Variants in ITCH observed in about 807,000 individuals in gnomAD.
The protein encoded by ITCH is E3 ubiquitin-protein ligase Itchy homolog.
Under a neutral mutation model 126.8 loss-of-function variants are expected in ITCH, and 28 were observed. That is an observed-to-expected ratio of 0.22 (90% CI 0.16 to 0.30). The LOEUF (loss-of-function observed/expected upper bound fraction) is 0.30, where lower values mean the gene tolerates loss of function less well. ITCH is among the 10% of genes least tolerant of loss of function. The pLI, the probability that ITCH is intolerant of heterozygous loss-of-function variation, is 1.00. For synonymous variants in ITCH, 342 were observed against 340.0 expected (o/e 1.01, Z -0.06); for missense variants, 631 against 1,032.4 (o/e 0.61, Z 5.33).
intron 6 of ITCH, among the ~76,000 whole-genome samples, chr20:34,420,461 ATTTG>A (rs1262381929): frequency 6.6e-6 from 1 of 152,172 alleles, no homozygotes; most frequent in Non-Finnish European, 1.5e-5. Context: ...TTGTGCCACA[ATTTG>A]TTTATCCATT....
chr20:34,412,789 T>C lies in ITCH; in HGVS notation c.337+150T>C, dbSNP rs900519678. On this transcript the variant is annotated intron_variant, in intron 5 of 24. Coordinates refer to ENST00000374864, the MANE Select transcript of ITCH (RefSeq NM_031483.7). The stretch of plus-strand genomic sequence containing the variant: ...GAACAGATAGAAGAATTTTACACTA[T>C]TGAAAGTATTCTGAGTAACCTTGGT... 5 of 644,756 alleles carry C rather than the reference T, an allele frequency of 7.8e-6. No homozygotes were observed. In the East Asian group the frequency reaches 1.1e-4, roughly 14 times the overall value. 39.9% of individuals were successfully genotyped at this position (644,756 alleles called of 1,614,324 possible). A position where few individuals can be genotyped will look rare whatever the true frequency, so the allele number is the denominator to read the frequency against.
At chr20:34,386,425 C>G (rs2146043544) in intron 2 of ITCH, among the ~76,000 whole-genome samples, 1 of 152,276 alleles carries the variant, frequency 6.6e-6, no homozygotes, top group African/African-American at 2.4e-5. Flanking sequence ...GGGAGACATA[C>G]TACTCGGTAT....
In ITCH at chr20:34,510,437, CTGTTAAT is replaced by C. The variant is rs1285548882; in HGVS notation, c.*2645_*2651del. 1 of 123,640 alleles carries C rather than the reference CTGTTAAT, an allele frequency of 8.1e-6. No homozygotes were observed. The highest frequency in any genetic ancestry group is 1.6e-5 in the Non-Finnish European group (1 of 61,792). The allele number at this position is 123,640 out of a possible 1,614,324, so 7.7% of individuals were successfully genotyped here. A position where few individuals can be genotyped will look rare whatever the true frequency, so the allele number is the denominator to read the frequency against. On this transcript the variant is annotated 3_prime_UTR_variant, in exon 25 of 25. Transcript: ENST00000374864. ...TAAGCATTGTAAATGCTAATAAATC[CTGTTAAT>C]TTTTTTTTTTTTTTTTTTTTTTTTT...
In ITCH at chr20:34,479,809, T is replaced by G. The variant is rs557929099; in HGVS notation, c.1818+20T>G. On this transcript the variant is annotated intron_variant, in intron 18 of 24. Coordinates refer to ENST00000374864, the MANE Select transcript of ITCH (RefSeq NM_031483.7). ...GCCATGGTAAGTGCAGGTCAAGAAT[T>G]ATGTTTACTTTGCTTATTCAGCAAT... 2 of 1,608,410 alleles carry G rather than the reference T, an allele frequency of 1.2e-6. No homozygotes were observed. The highest frequency in any genetic ancestry group is 2.7e-5 in the African/African-American group (2 of 74,868).
At chr20:34,387,169 C>T (rs1363063224) in intron 2 of ITCH, among the ~76,000 whole-genome samples, 3 of 151,712 alleles carry the variant, frequency 2.0e-5, no homozygotes, top group South Asian at 2.1e-4. Flanking sequence ...AGCCAGATGT[C>T]ATGCATGCCT....
intron 1 of ITCH, among the ~76,000 whole-genome samples, chr20:34,364,724 C>CAAAAAAAAAAAAAAAAAAAAAAAAAA (rs1171765663): frequency 2.2e-5 from 1 of 45,572 alleles, no homozygotes; most frequent in East Asian, 6.5e-4. Context: ...ACTAAAAATA[C>CAAAAAAAAAAAAAAAAAAAAAAAAAA]AAAAAAAAAA....
intron 23 of ITCH, among the ~76,000 whole-genome samples, chr20:34,500,289 A>C (rs1201573752): frequency 1.3e-5 from 2 of 152,150 alleles, no homozygotes; most frequent in East Asian, 1.9e-4. Context: ...GAAGTCCCCA[A>C]CTAGTATTGG....
chr20:34,493,537 T>C (rs927811911), intron 23 of ITCH, among the ~76,000 whole-genome samples: 1 of 152,088 alleles, frequency 6.6e-6, no homozygotes, highest in Non-Finnish European at 1.5e-5. Context: ...GGGTAGATAC[T>C]AGGTAAAGTT....
intron 7 of ITCH, among the ~76,000 whole-genome samples, chr20:34,432,048 CAAAAAA>C (rs10668679): frequency 6.5e-5 from 6 of 92,254 alleles, no homozygotes; most frequent in African/African-American, 2.5e-4. Context: ...GATTCTATGT[CAAAAAA>C]AAAAAAAAAA....
intron 23 of ITCH, among the ~76,000 whole-genome samples, chr20:34,502,289 A>G (rs1304305964): frequency 6.6e-6 from 1 of 152,140 alleles, no homozygotes; most frequent in African/African-American, 2.4e-5. Flanking sequence ...AGGCTGAGGC[A>G]GGAGAATTGC....
intron 3 of ITCH, chr20:34,401,780 T>G (rs1350805575): frequency 1.2e-5 from 3 of 246,698 alleles, no homozygotes; most frequent in Non-Finnish European, 6.4e-6. Flanking sequence ...AAAAAACCAC[T>G]AAGATGTCCC....
At chr20:34,485,586 G>A (rs1213556439) in intron 20 of ITCH, among the ~76,000 whole-genome samples, 3 of 152,064 alleles carry the variant, frequency 2.0e-5, no homozygotes, top group Admixed American at 1.3e-4. Context: ...CTTTTTATTT[G>A]TGATTGTTGG....
chr20:34,396,490 A>G (rs1369728119), intron 3 of ITCH, among the ~76,000 whole-genome samples: 1 of 151,808 alleles, frequency 6.6e-6, no homozygotes, highest in Non-Finnish European at 1.5e-5. Context: ...GCGCGCGTGC[A>G]TATGTTTTAT....
At position 34,479,849 on chromosome 20, in the gene ITCH, T is replaced by C. The variant is rs1184475265; in HGVS notation, c.1818+60T>C. ...TATTCAGCAATACTAAATTTTCTCT[T>C]AGGTGCCATAACAGATCATATGAGA... is the stretch of plus-strand genomic sequence containing the variant. On this transcript the variant is annotated intron_variant, in intron 18 of 24. Coordinates refer to ENST00000374864, the MANE Select transcript of ITCH (RefSeq NM_031483.7). The C allele has an allele frequency of 2.8e-6, 4 of 1,430,468 alleles. No homozygotes were observed. In the African/African-American group the frequency reaches 4.2e-5, roughly 15 times the overall value. The allele number at this position is 1,430,468 out of a possible 1,614,324, so 88.6% of individuals were successfully genotyped here. A position where few individuals can be genotyped will look rare whatever the true frequency, so the allele number is the denominator to read the frequency against.
chr20:34,424,600 C>A, intron 7 of ITCH, 75 bp downstream of exon 7: 2 of 1,199,662 alleles, frequency 1.7e-6, no homozygotes, highest in South Asian at 2.4e-5. Context: ...GTGTAAACTT[C>A]AGGTTCATGA....
intron 20 of ITCH, among the ~76,000 whole-genome samples, chr20:34,483,856 A>G (rs2146484622): frequency 6.6e-6 from 1 of 152,318 alleles, no homozygotes; most frequent in African/African-American, 2.4e-5. Flanking sequence ...CAAAAGAAAG[A>G]GGTTTAATGG....
rs779013000 is a variant in ITCH, at chr20:34,480,741, C to G, written c.1952+9C>G. The G allele has an allele frequency of 5.7e-6, 9 of 1,587,680 alleles. No homozygotes were observed. Among genetic ancestry groups the G allele is most frequent in the Non-Finnish European group, 7.8e-6 (9 of 1,158,298 alleles). On this transcript the variant is annotated intron_variant, in intron 19 of 24. Coordinates refer to ENST00000374864, the MANE Select transcript of ITCH (RefSeq NM_031483.7). Reference sequence around the variant, plus strand: ...TCTCTCATCTGGGTTAAGTAAGTTTCTTTTTCCATGTAATTTATTAAAATA... The same window carrying G: ...TCTCTCATCTGGGTTAAGTAAGTTTGTTTTTCCATGTAATTTATTAAAATA...
intron 3 of ITCH, among the ~76,000 whole-genome samples, chr20:34,400,916 C>T (rs984333731): frequency 2.6e-5 from 4 of 152,090 alleles, no homozygotes; most frequent in African/African-American, 9.7e-5. Flanking sequence ...CACCACTGTG[C>T]CTGGCTCACT....
intron 1 of ITCH, among the ~76,000 whole-genome samples, 154 bp downstream of exon 1, chr20:34,363,503 G>A (rs1158425523): frequency 6.6e-6 from 1 of 152,174 alleles, no homozygotes; most frequent in African/African-American, 2.4e-5. Flanking sequence ...TGTCTGTCGG[G>A]GGCGCGGGGA....
Sources: gnomAD v4.1 joint callset for allele counts (sites outside exome capture counted in the v4.1 genomes callset) on GRCh38, gnomAD v4.1.1 for gene constraint, MANE v1.5 for transcripts, NCBI Gene and HGNC (gene_info 2026-07-23, HGNC 2026-07-21) for gene names.